GSK3B: variants seen among roughly 807,000 people sequenced by gnomAD.
GSK3B encodes the protein glycogen synthase kinase-3 beta.
In GSK3B, 15 loss-of-function variants were observed where a neutral mutation model predicts 56.4. The observed-to-expected ratio is 0.27, with a 90% CI of 0.18 to 0.41. GSK3B has a LOEUF of 0.41. Among genes scored for constraint, GSK3B ranks in the 10% least tolerant of loss-of-function variants. The pLI, the probability that GSK3B is intolerant of heterozygous loss-of-function variation, is 1.00. For missense variants in GSK3B, 300 were observed against 513.4 expected, an observed-to-expected ratio of 0.58 and a Z score of 4.02; for synonymous variants, 181 against 188.9, an observed-to-expected ratio of 0.96 and a Z score of 0.34.
chr3:119,894,437 T>C (rs1252197773), intron 7 of GSK3B, among the ~76,000 whole-genome samples: 1 of 152,158 alleles, frequency 6.6e-6, no homozygotes, highest in African/African-American at 2.4e-5. Flanking sequence ...TGTCTTTTTA[T>C]TTTAGTCATT....
intron 8 of GSK3B, among the ~76,000 whole-genome samples, chr3:119,870,252 T>C (rs768034366): frequency 4.6e-5 from 7 of 152,174 alleles, no homozygotes; most frequent in Non-Finnish European, 7.4e-5. Context: ...CAGAATTAAG[T>C]ATACGGTTAC....
Position 120,094,106 on chromosome 3 carries a change from C to A in GSK3B, c.-672G>T. ...GAGCAGCTGCAGGCGGCGGCTGGATCCAGCGGCCATGGCGGTGGCGGAGGC... is the reference window on the plus strand; with the variant it reads ...GAGCAGCTGCAGGCGGCGGCTGGATACAGCGGCCATGGCGGTGGCGGAGGC... On this transcript the variant is annotated 5_prime_UTR_variant, in exon 1 of 11. Transcript: ENST00000264235. 1.3e-5 allele frequency: 3 copies of A among 229,902 alleles called. No individual in the cohort carries two copies. The South Asian group carries it at 4.1e-4, about 31-fold the overall frequency. 14.2% of individuals were successfully genotyped at this position (229,902 alleles called of 1,614,324 possible). A position where few individuals can be genotyped will look rare whatever the true frequency, so the allele number is the denominator to read the frequency against.
intron 4 of GSK3B, among the ~76,000 whole-genome samples, chr3:119,918,473 C>A (rs1019776358): frequency 7.3e-5 from 11 of 149,852 alleles, no homozygotes; most frequent in African/African-American, 2.5e-4. Flanking sequence ...CTCTCTCTCT[C>A]AAAAAAACAA....
intron 1 of GSK3B, among the ~76,000 whole-genome samples, chr3:120,044,634 C>T (rs1455558313): frequency 1.3e-5 from 2 of 152,146 alleles, no homozygotes; most frequent in Admixed American, 1.3e-4. Context: ...TGAATCATTG[C>T]CTCCATGGGT....
rs184995262 is a variant in GSK3B, at chr3:119,948,035, G to A, written c.283-684C>T. ...ATGATTTCTTAATACCACAGACTTC[G>A]CAGCAGTAAATCTGACTAGACTGTA... On this transcript the variant is annotated intron_variant, in intron 2 of 10. Transcript: ENST00000264235. Among the ~76,000 whole-genome samples, 43 of 152,194 alleles carry A rather than the reference G, an allele frequency of 2.8e-4. 1 individual carries two copies. Among genetic ancestry groups the A allele is most frequent in the Middle Eastern group, 3.4e-3 (1 of 294 alleles).
chr3:119,906,174 C>G (rs2056680502), intron 6 of GSK3B, among the ~76,000 whole-genome samples: 1 of 152,042 alleles, frequency 6.6e-6, no homozygotes, highest in African/African-American at 2.4e-5. Flanking sequence ...ATCTATTTAT[C>G]TTACTTAAAA....
chr3:119,972,966 T>C (rs1478250822), intron 2 of GSK3B, among the ~76,000 whole-genome samples: 1 of 152,208 alleles, frequency 6.6e-6, no homozygotes, highest in African/African-American at 2.4e-5. Context: ...GATGCTTGTC[T>C]GTGGTATAAT....
At chr3:120,085,667 T>C (rs977812972) in intron 1 of GSK3B, among the ~76,000 whole-genome samples, 1 of 152,154 alleles carries the variant, frequency 6.6e-6, no homozygotes, top group South Asian at 2.1e-4. Context: ...CGGGGAATGG[T>C]GGCATATGCC....
intron 6 of GSK3B, among the ~76,000 whole-genome samples, chr3:119,907,809 G>A (rs1357675459): frequency 1.3e-5 from 2 of 152,064 alleles, no homozygotes; most frequent in African/African-American, 4.8e-5. Flanking sequence ...GTAGAGCTAG[G>A]CCTGGAATCA....
chr3:120,024,699 A>T (rs1407465169), intron 1 of GSK3B, among the ~76,000 whole-genome samples: 1 of 152,206 alleles, frequency 6.6e-6, no homozygotes, highest in Non-Finnish European at 1.5e-5. Flanking sequence ...ACAAAAGAGA[A>T]TGGTGGGGTA....
At chr3:120,073,209 C>CA (rs1202321748) in intron 1 of GSK3B, among the ~76,000 whole-genome samples, 24 of 45,148 alleles carry the variant, frequency 5.3e-4, no homozygotes, top group South Asian at 3.8e-3. Context: ...CTCATCTCTA[C>CA]AAAAAAAATT....
chr3:119,960,943 C>T (rs1365443082), intron 2 of GSK3B, among the ~76,000 whole-genome samples: 2 of 152,070 alleles, frequency 1.3e-5, no homozygotes, highest in Non-Finnish European at 2.9e-5. Flanking sequence ...TATGGTCGAA[C>T]ATGTATTTAC....
chr3:119,878,847 A>T (rs953368251), intron 7 of GSK3B, among the ~76,000 whole-genome samples: 1 of 152,202 alleles, frequency 6.6e-6, no homozygotes, highest in Non-Finnish European at 1.5e-5. Flanking sequence ...TACCTAAAGT[A>T]TAATCACATT....
At chr3:119,880,519 AATT>A (rs1442834690) in intron 7 of GSK3B, among the ~76,000 whole-genome samples, 1 of 152,154 alleles carries the variant, frequency 6.6e-6, no homozygotes, top group East Asian at 1.9e-4. Context: ...AACTTTCAGA[AATT>A]ATTTAACTAT....
intron 7 of GSK3B, among the ~76,000 whole-genome samples, chr3:119,884,810 TA>T (rs565201556): frequency 2.6e-5 from 4 of 151,894 alleles, no homozygotes; most frequent in South Asian, 2.1e-4. Flanking sequence ...TTTGGCAACT[TA>T]AAAAAAACCC....
chr3:120,008,501 CA>C (rs1327787445), intron 1 of GSK3B, among the ~76,000 whole-genome samples: 1 of 152,118 alleles, frequency 6.6e-6, no homozygotes, highest in Non-Finnish European at 1.5e-5. Context: ...GTACTGGTAC[CA>C]AAACAGATAT....
chr3:120,048,180 A>G (rs1221534688), intron 1 of GSK3B, among the ~76,000 whole-genome samples: 1 of 152,244 alleles, frequency 6.6e-6, no homozygotes, highest in Non-Finnish European at 1.5e-5. Flanking sequence ...ACCTCAACTT[A>G]TAGGAAAAGA....
chr3:119,877,910 A>C (rs1007223533), intron 7 of GSK3B, among the ~76,000 whole-genome samples: 10 of 152,116 alleles, frequency 6.6e-5, no homozygotes, highest in Admixed American at 1.3e-4. Context: ...TCTTTATAAG[A>C]CCGTGTATAA....
chr3:119,894,503 A>G (rs1440935838), intron 7 of GSK3B, among the ~76,000 whole-genome samples: 2 of 152,144 alleles, frequency 1.3e-5, no homozygotes, highest in Non-Finnish European at 2.9e-5. Context: ...TCCTTGATGA[A>G]TAATGATGTT....
Sources: gnomAD v4.1 joint callset for allele counts (sites outside exome capture counted in the v4.1 genomes callset) on GRCh38, gnomAD v4.1.1 for gene constraint, MANE v1.5 for transcripts, NCBI Gene and HGNC (gene_info 2026-07-23, HGNC 2026-07-21) for gene names.